Variants in LCMT1 observed in about 807,000 individuals in gnomAD.
LCMT1 encodes leucine carboxyl methyltransferase 1.
A neutral mutation model predicts 47.7 loss-of-function variants in LCMT1; 32 were observed. The observed-to-expected ratio is 0.67, with a 90% CI of 0.51 to 0.90. The LOEUF (loss-of-function observed/expected upper bound fraction) is 0.90. Ranked by LOEUF, LCMT1 falls within the 40% of genes least tolerant of loss-of-function variation. The pLI, the probability that LCMT1 is intolerant of heterozygous loss-of-function variation, is 0.00. For synonymous variants in LCMT1, 152 were observed against 149.7 expected, an observed-to-expected ratio of 1.02 and a Z score of -0.11; for missense variants, 375 against 415.2, an observed-to-expected ratio of 0.90 and a Z score of 0.84.
chr16:25,116,757 G>A (rs953412550), intron 1 of LCMT1, among the ~76,000 whole-genome samples: 21 of 151,202 alleles, frequency 1.4e-4, no homozygotes, highest in Non-Finnish European at 2.4e-4. Context: ...AACCAGTGTC[G>A]CGGTGCATGC....
intron 4 of LCMT1, 22 bp from the exon 5 acceptor site, chr16:25,151,532 C>A: frequency 6.2e-7 from 1 of 1,601,716 alleles, no homozygotes; most frequent in Non-Finnish European, 8.5e-7. Context: ...TCATTTTTCT[C>A]CTCTTTCCCA....
At chr16:25,135,927 C>T (rs1024725267) in intron 3 of LCMT1, among the ~76,000 whole-genome samples, 1 of 151,564 alleles carries the variant, frequency 6.6e-6, no homozygotes, top group Admixed American at 6.6e-5. Context: ...CCCATCTCTA[C>T]AAAAAATAAA....
At chr16:25,120,336 T>G (rs1217553251) in intron 1 of LCMT1, among the ~76,000 whole-genome samples, 42 of 149,520 alleles carry the variant, frequency 2.8e-4, no homozygotes, top group Non-Finnish European at 5.4e-4. Flanking sequence ...TGATTCTCCT[T>G]CTTCAGCCTC....
intron 4 of LCMT1, chr16:25,142,682 C>T (rs187209510): frequency 2.0e-5 from 3 of 152,326 alleles, no homozygotes; most frequent in East Asian, 1.9e-4. Flanking sequence ...TCTTTATACC[C>T]AGCAGGGACA....
intron 3 of LCMT1, among the ~76,000 whole-genome samples, chr16:25,135,164 C>A (rs1410616669): frequency 1.3e-5 from 2 of 151,996 alleles, no homozygotes; most frequent in Non-Finnish European, 2.9e-5. Flanking sequence ...AAAAGGCAGT[C>A]AGTCAGTAGT....
chr16:25,124,127 A>G (rs1004663649), intron 1 of LCMT1, among the ~76,000 whole-genome samples: 1 of 152,232 alleles, frequency 6.6e-6, no homozygotes, highest in African/African-American at 2.4e-5. Context: ...GTCTCTCAAG[A>G]GTCCATTTCC....
At chr16:25,163,197 G>C (rs144164462) in intron 6 of LCMT1, among the ~76,000 whole-genome samples, 1 of 152,162 alleles carries the variant, frequency 6.6e-6, no homozygotes, top group Non-Finnish European at 1.5e-5. Flanking sequence ...GGTTGGGCAC[G>C]GTGGCTCACG....
chr16:25,170,520 C>A (rs1001532427), intron 8 of LCMT1, among the ~76,000 whole-genome samples, 194 bp from the exon 9 acceptor site: 1 of 151,938 alleles, frequency 6.6e-6, no homozygotes, highest in African/African-American at 2.4e-5. Context: ...ATCCCAGCAC[C>A]TTGGGTGGCA....
intron 1 of LCMT1, among the ~76,000 whole-genome samples, chr16:25,112,645 A>C (rs1959659358): frequency 6.6e-6 from 1 of 152,190 alleles, no homozygotes; most frequent in Non-Finnish European, 1.5e-5. Flanking sequence ...TTTACTTTGC[A>C]GTGGTTAGTA....
intron 2 of LCMT1, among the ~76,000 whole-genome samples, chr16:25,131,666 C>T (rs1163783606): frequency 6.6e-6 from 1 of 152,112 alleles, no homozygotes; most frequent in Non-Finnish European, 1.5e-5. Flanking sequence ...CACAGACAGA[C>T]CTTGTGATCT....
In LCMT1 at chr16:25,178,109, C is replaced by T. The variant is rs1962012138; in HGVS notation, c.*86C>T. 7.6e-7 allele frequency: 1 copy of T among 1,309,238 alleles called. No homozygotes were observed. The highest frequency in any genetic ancestry group is 1.5e-5 in the African/African-American group (1 of 68,540). The allele number at this position is 1,309,238 out of a possible 1,614,324, so 81.1% of individuals were successfully genotyped here. On this transcript the variant is annotated 3_prime_UTR_variant, in exon 11 of 11. Coordinates refer to ENST00000399069, the MANE Select transcript of LCMT1 (RefSeq NM_016309.3). ...GCAAGCTCCCTGAGCGGTGGGCGGG[C>T]CTCGTCCGCAGGTCTCATCCCACAC...
chr16:25,175,620 G>A (rs1317163318), intron 10 of LCMT1, among the ~76,000 whole-genome samples: 6 of 151,938 alleles, frequency 3.9e-5, no homozygotes, highest in African/African-American at 7.3e-5. Flanking sequence ...CAAGAAGAGC[G>A]AAACCCTGTC....
At chr16:25,129,380 A>G (rs75844701) in intron 2 of LCMT1, among the ~76,000 whole-genome samples, 1,511 of 150,012 alleles carry the variant, frequency 0.01, 26 homozygotes, top group African/African-American at 0.035. Flanking sequence ...TAATGAATTC[A>G]AAAAAAAGTA....
At chr16:25,157,078 A>C (rs1961281473) in intron 5 of LCMT1, among the ~76,000 whole-genome samples, 1 of 152,104 alleles carries the variant, frequency 6.6e-6, no homozygotes, top group South Asian at 2.1e-4. Flanking sequence ...GGTTCACTAC[A>C]GATCCAACAC....
intron 1 of LCMT1, among the ~76,000 whole-genome samples, chr16:25,124,680 TGGAGG>T (rs1960105511): frequency 1.3e-5 from 2 of 152,182 alleles, no homozygotes; most frequent in Non-Finnish European, 2.9e-5. Context: ...AAATGCCTGT[TGGAGG>T]GGATTTCACA....
chr16:25,124,734 G>A (rs749019634), intron 1 of LCMT1, among the ~76,000 whole-genome samples: 1 of 152,194 alleles, frequency 6.6e-6, no homozygotes, highest in South Asian at 2.1e-4. Flanking sequence ...GTTGACGCTC[G>A]TGGAGACAGG....
chr16:25,125,942 C>T, intron 1 of LCMT1: 3 of 1,165,306 alleles, frequency 2.6e-6, no homozygotes, highest in South Asian at 1.7e-5. Flanking sequence ...AATCCTAAAA[C>T]TTGCTGCTTG....
intron 1 of LCMT1, among the ~76,000 whole-genome samples, chr16:25,118,576 G>A (rs536432638): frequency 9.9e-5 from 15 of 152,132 alleles, no homozygotes; most frequent in Non-Finnish European, 1.5e-4. Flanking sequence ...AATATGTGTC[G>A]TGTGAGACGG....
chr16:25,112,950 G>T (rs1348029576), intron 1 of LCMT1, among the ~76,000 whole-genome samples: 1 of 151,954 alleles, frequency 6.6e-6, no homozygotes, highest in East Asian at 1.9e-4. Context: ...AGACCATCCT[G>T]GCCAACATGG....
Sources: allele counts gnomAD v4.1 joint callset (sites outside exome capture counted in the v4.1 genomes callset), GRCh38; gene constraint gnomAD v4.1.1; transcripts MANE v1.5; gene names NCBI Gene and HGNC (gene_info 2026-07-23, HGNC 2026-07-21).